The following FER variants were observed in gnomAD, a reference collection of about 807,000 sequenced individuals.
The protein encoded by FER is FER tyrosine kinase.
Under a neutral mutation model 111.0 loss-of-function variants are expected in FER, and 63 were observed. The observed-to-expected ratio is 0.57, with a 90% CI of 0.46 to 0.70. The LOEUF (loss-of-function observed/expected upper bound fraction) is 0.70. Among genes scored for constraint, FER ranks in the 30% least tolerant of loss-of-function variants. FER has a pLI of 0.00. For synonymous variants in FER, 327 were observed against 313.9 expected (o/e 1.04, Z -0.44); for missense variants, 914 against 954.0 (o/e 0.96, Z 0.55).
At chr5:108,931,252 G>T (rs1289714659) in intron 10 of FER, among the ~76,000 whole-genome samples, 1 of 152,070 alleles carries the variant, frequency 6.6e-6, no homozygotes, top group African/African-American at 2.4e-5. Flanking sequence ...ATGGTATATT[G>T]TGACTATTAT....
intron 16 of FER, among the ~76,000 whole-genome samples, chr5:109,066,177 G>A (rs1404195142): frequency 7.2e-5 from 11 of 152,008 alleles, no homozygotes; most frequent in Non-Finnish European, 1.6e-4. Context: ...CATTGATAAA[G>A]ACTTCAAAAT....
intron 13 of FER, among the ~76,000 whole-genome samples, chr5:109,003,972 C>G (rs1021779402): frequency 6.6e-6 from 1 of 152,072 alleles, no homozygotes; most frequent in African/African-American, 2.4e-5. Context: ...GGTGTAAGAC[C>G]GGGTCTCAAG....
chr5:109,033,214 A>AT lies in FER; in HGVS notation c.1657-4202dup, dbSNP rs576586579. On this transcript the variant is annotated intron_variant, in intron 13 of 19. Transcript: ENST00000281092. ...AGAGACTAAGAGGCAGTCTGCTTCC[A>AT]TTTTTTCTGTTTTTTCTCTATATTT... Among the ~76,000 whole-genome samples the AT allele has an allele frequency of 3.5e-3, 528 of 152,216 alleles. 4 individuals are homozygous for AT. The highest frequency in any genetic ancestry group is 5.3e-3 in the Non-Finnish European group (359 of 68,008).
chr5:108,927,387 A>T (rs1407851283), intron 10 of FER, among the ~76,000 whole-genome samples: 2 of 151,126 alleles, frequency 1.3e-5, no homozygotes, highest in Admixed American at 1.3e-4. Flanking sequence ...CAGCCTCCCG[A>T]GTAGCTGGGA....
At chr5:108,949,340 A>T (rs1421648880) in intron 11 of FER, among the ~76,000 whole-genome samples, 1 of 152,054 alleles carries the variant, frequency 6.6e-6, no homozygotes, top group Non-Finnish European at 1.5e-5. Context: ...TAAATATATC[A>T]GTTGTCTTCT....
In FER at chr5:108,806,256, C is replaced by T. The variant is rs561957366; in HGVS notation, c.207+7867C>T. ...GTCAAGGATTGAGGTTTGGGAACCT[C>T]CTCCTAGATTTCTGAGGATGTGTGG... On this transcript the variant is annotated intron_variant, in intron 3 of 19. Coordinates refer to ENST00000281092, the MANE Select transcript of FER (RefSeq NM_005246.4). 1.0e-3 allele frequency among the ~76,000 whole-genome samples: 152 copies of T among 152,340 alleles called. 1 individual carries two copies. The Middle Eastern group carries it at 0.01, about 10-fold the overall frequency.
At chr5:109,186,044 T>C (rs1251881401) in intron 18 of FER, among the ~76,000 whole-genome samples, 156 bp from the exon 19 acceptor site, 9 of 152,210 alleles carry the variant, frequency 5.9e-5, no homozygotes, top group Non-Finnish European at 8.8e-5. Context: ...AGGAATTTTT[T>C]AGCTCCATTA....
At chr5:109,017,500 T>G (rs943989016) in intron 13 of FER, among the ~76,000 whole-genome samples, 1 of 151,968 alleles carries the variant, frequency 6.6e-6, no homozygotes, top group Non-Finnish European at 1.5e-5. Context: ...AAATAAGTCT[T>G]GTATATTCAC....
chr5:109,070,925 A>G (rs1775691242), intron 16 of FER, among the ~76,000 whole-genome samples: 1 of 151,990 alleles, frequency 6.6e-6, no homozygotes, highest in Non-Finnish European at 1.5e-5. Context: ...AAAATAAATG[A>G]TTCATCTATC....
intron 10 of FER, among the ~76,000 whole-genome samples, chr5:108,906,310 A>G (rs1750753954): frequency 6.6e-6 from 1 of 151,994 alleles, no homozygotes; most frequent in African/African-American, 2.4e-5. Flanking sequence ...CCTGTTCTTG[A>G]TGTTATTTTT....
At chr5:108,761,047 C>T (rs749130316) in intron 1 of FER, among the ~76,000 whole-genome samples, 1 of 152,104 alleles carries the variant, frequency 6.6e-6, no homozygotes, top group South Asian at 2.1e-4. Context: ...TCTCCTGCCT[C>T]AGCCTCCTGA....
In FER at chr5:109,127,484, A is replaced by T. The variant is rs968282290; in HGVS notation, c.2048+26965A>T. Reference sequence around the variant, plus strand: ...AGTGACGTGATCTCGGCTCACTGCAATCTCCACCTCCCAGGTTCAAGGGGT... The same window carrying T: ...AGTGACGTGATCTCGGCTCACTGCATTCTCCACCTCCCAGGTTCAAGGGGT... On this transcript the variant is annotated intron_variant, in intron 17 of 19. Coordinates refer to ENST00000281092, the MANE Select transcript of FER (RefSeq NM_005246.4). Among the ~76,000 whole-genome samples, 3 of 152,156 alleles carry T rather than the reference A, an allele frequency of 2.0e-5. No homozygotes were observed. The East Asian group carries it at 5.8e-4, about 29-fold the overall frequency.
Position 108,786,009 on chromosome 5 carries a change from A to T in FER, c.-59-12115A>T, listed in dbSNP as rs189589085. ...TGGTCTGTGCCATCTTGTCTGGACC[A>T]CAAGCTGGGTTTTCCTTCTAATTTC... On this transcript the variant is annotated intron_variant, in intron 2 of 19. Coordinates refer to ENST00000281092, the MANE Select transcript of FER (RefSeq NM_005246.4). Among the ~76,000 whole-genome samples the T allele has an allele frequency of 2.2e-3, 330 of 152,328 alleles. 4 individuals are homozygous for T. The highest frequency in any genetic ancestry group is 7.2e-3 in the African/African-American group (301 of 41,568).
At chr5:109,187,242 TAA>T (rs766021017) in intron 19 of FER, among the ~76,000 whole-genome samples, 189 bp from the exon 20 acceptor site, 7 of 152,232 alleles carry the variant, frequency 4.6e-5, no homozygotes, top group East Asian at 3.8e-4. Context: ...ATTAGAACTC[TAA>T]GACTCTGTAA....
intron 2 of FER, among the ~76,000 whole-genome samples, chr5:108,777,521 C>T (rs1043068162): frequency 2.0e-5 from 3 of 152,128 alleles, no homozygotes; most frequent in African/African-American, 7.2e-5. Context: ...GACATGTATG[C>T]ACCATTATAG....
chr5:108,799,994 C>T (rs1417966311), intron 3 of FER, among the ~76,000 whole-genome samples: 1 of 151,770 alleles, frequency 6.6e-6, no homozygotes, highest in African/African-American at 2.4e-5. Context: ...AGGTGTGTAC[C>T]ACTACACCTG....
At chr5:109,032,481 T>G (rs1443640261) in intron 13 of FER, among the ~76,000 whole-genome samples, 1 of 152,074 alleles carries the variant, frequency 6.6e-6, no homozygotes, top group East Asian at 1.9e-4. Context: ...TAACTACTAC[T>G]TGCATTTGAA....
chr5:108,770,167 C>T (rs1057189806), intron 2 of FER, among the ~76,000 whole-genome samples: 1 of 152,288 alleles, frequency 6.6e-6, no homozygotes, highest in Admixed American at 6.5e-5. Context: ...AGGCTGGTCT[C>T]GAACTCCCGG....
chr5:109,097,634 A>G (rs115538057), intron 16 of FER, among the ~76,000 whole-genome samples: 1 of 151,930 alleles, frequency 6.6e-6, no homozygotes, highest in Non-Finnish European at 1.5e-5. Context: ...TACAGTGAAC[A>G]CTAAAGACTA....
Sources: allele counts gnomAD v4.1 joint callset (sites outside exome capture counted in the v4.1 genomes callset), GRCh38; gene constraint gnomAD v4.1.1; transcripts MANE v1.5; gene names NCBI Gene and HGNC (gene_info 2026-07-23, HGNC 2026-07-21).